The following RBMS2 variants were observed in gnomAD, a reference collection of about 807,000 sequenced individuals.
The protein encoded by RBMS2 is RNA binding motif single stranded interacting protein 2.
Under a neutral mutation model 58.4 loss-of-function variants are expected in RBMS2, and 38 were observed. The observed-to-expected ratio is 0.65, with a 90% CI of 0.50 to 0.85. The LOEUF is 0.85. Among genes scored for constraint, RBMS2 ranks in the 40% least tolerant of loss-of-function variants. RBMS2 has a pLI of 0.00. For synonymous variants in RBMS2, 151 were observed against 180.7 expected, an observed-to-expected ratio of 0.84 and a Z score of 1.32; for missense variants, 367 against 503.7, an observed-to-expected ratio of 0.73 and a Z score of 2.60.
chr12:56,594,162 C>T lies in RBMS2; in HGVS notation c.*5029C>T, dbSNP rs1389104520. ...GAGGCCTGTCACTCCAATGTCAACCCGTGGGCTGTTACTTTGCGTCATATG... is the reference window on the plus strand; with the variant it reads ...GAGGCCTGTCACTCCAATGTCAACCTGTGGGCTGTTACTTTGCGTCATATG... On this transcript the variant is annotated 3_prime_UTR_variant, in exon 14 of 14. Coordinates refer to ENST00000262031, the MANE Select transcript of RBMS2 (RefSeq NM_002898.4). 4 of 152,250 alleles carry T rather than the reference C, an allele frequency of 2.6e-5. No homozygotes were observed. Among genetic ancestry groups the T allele is most frequent in the Non-Finnish European group, 2.9e-5 (2 of 68,058 alleles). The allele number at this position is 152,250 out of a possible 1,614,324, so 9.4% of individuals were successfully genotyped here.
rs1565796272 is a variant in RBMS2 at position 56,595,404 on chromosome 12, A to G, written c.*6271A>G. 2 of 152,114 alleles carry G rather than the reference A, an allele frequency of 1.3e-5. No individual in the cohort carries two copies. The highest frequency in any genetic ancestry group is 2.9e-5 in the Non-Finnish European group (2 of 67,958). 9.4% of individuals were successfully genotyped at this position (152,114 alleles called of 1,614,324 possible). ...GGACAGAAAATGTTTATACTTAAACAGACATATTTTGCATATTTTTATCTG... is the reference window on the plus strand; with the variant it reads ...GGACAGAAAATGTTTATACTTAAACGGACATATTTTGCATATTTTTATCTG... On this transcript the variant is annotated 3_prime_UTR_variant, in exon 14 of 14. Coordinates refer to ENST00000262031, the MANE Select transcript of RBMS2 (RefSeq NM_002898.4).
chr12:56,560,083 C>T (rs1272179677), intron 1 of RBMS2, among the ~76,000 whole-genome samples: 3 of 151,460 alleles, frequency 2.0e-5, no homozygotes, highest in South Asian at 2.1e-4. Context: ...TTAGTAGAGA[C>T]GGGGTTTCAT....
intron 1 of RBMS2, among the ~76,000 whole-genome samples, chr12:56,545,932 CT>C (rs1877086492): frequency 6.7e-5 from 1 of 14,816 alleles, no homozygotes. Flanking sequence ...TCTTCCCTTT[CT>C]TTTCTTTTTT....
chr12:56,580,138 G>A (rs551426104), intron 5 of RBMS2: 102 of 285,772 alleles, frequency 3.6e-4, no homozygotes, highest in Admixed American at 1.5e-3. Context: ...TCACCATGTT[G>A]GCCAGGATGG....
intron 5 of RBMS2, among the ~76,000 whole-genome samples, chr12:56,578,154 C>A (rs1028665670): frequency 6.7e-6 from 1 of 149,350 alleles, no homozygotes. Flanking sequence ...TTTGAGATGG[C>A]GTCTCGCTCT....
Position 56,595,627 on chromosome 12 carries a change from G to A in RBMS2, c.*6494G>A, listed in dbSNP as rs746507371. The stretch of plus-strand genomic sequence containing the variant: ...GTCTTGGTGTCTTATCCGTGAGTGG[G>A]AAGTGGTAAGCTGGTGATGGTCCCA... On this transcript the variant is annotated 3_prime_UTR_variant, in exon 14 of 14. Transcript: ENST00000262031. 6.6e-6 allele frequency: 1 copy of A among 151,872 alleles called. No individual in the cohort carries two copies. The highest frequency in any genetic ancestry group is 2.1e-4 in the South Asian group (1 of 4,814). The allele number at this position is 151,872 out of a possible 1,614,324, so 9.4% of individuals were successfully genotyped here. A position where few individuals can be genotyped will look rare whatever the true frequency, so the allele number is the denominator to read the frequency against.
chr12:56,533,118 G>A (rs1044600835), intron 1 of RBMS2, among the ~76,000 whole-genome samples: 3 of 151,092 alleles, frequency 2.0e-5, no homozygotes, highest in Admixed American at 6.6e-5. Context: ...AATTTTTTGT[G>A]GAGACAGGGT....
At chr12:56,578,908 G>C (rs1883515327) in intron 5 of RBMS2, among the ~76,000 whole-genome samples, 1 of 152,086 alleles carries the variant, frequency 6.6e-6, no homozygotes, top group African/African-American at 2.4e-5. Context: ...AGGTTGCAGT[G>C]AGCCGAGATT....
At chr12:56,535,030 A>G (rs2638301) in intron 1 of RBMS2, among the ~76,000 whole-genome samples, 15,882 of 152,130 alleles carry the variant, frequency 0.1, 1,025 homozygotes, top group East Asian at 0.15. Flanking sequence ...AACTTTCTTC[A>G]TTTGACTTAT....
chr12:56,543,744 T>G (rs1289772573), intron 1 of RBMS2, among the ~76,000 whole-genome samples: 4 of 151,604 alleles, frequency 2.6e-5, no homozygotes, highest in Non-Finnish European at 5.9e-5. Context: ...CTCAGCTCAC[T>G]GCAACCTCCA....
At position 56,588,371 on chromosome 12, in the gene RBMS2, C is replaced by A. The variant is rs143825451; in HGVS notation, c.1140C>A (p.Val380=). The change falls in exon 12 of 14, where the codon GTC becomes GTA. Residue 380 remains valine (V), a synonymous_variant. Transcript: ENST00000262031. ...CTGTGCCTTCTTCCAGTGTTTCAGT[C>A]GAGGTAAGGGTGTTATCATTTCTTT... ...YTPVPSSSVS[V]EESSGQQNQV... 6.2e-7 allele frequency: 1 copy of A among 1,610,474 alleles called. No individual in the cohort carries two copies. Among genetic ancestry groups the A allele is most frequent in the Non-Finnish European group, 8.5e-7 (1 of 1,177,012 alleles).
At chr12:56,572,420 G>A (rs115249377) in intron 5 of RBMS2, among the ~76,000 whole-genome samples, 2,953 of 151,706 alleles carry the variant, frequency 0.019, 89 homozygotes, top group African/African-American at 0.065. Flanking sequence ...TGAACATCTG[G>A]GCTCAAGTGA....
At chr12:56,589,040 G>T in intron 13 of RBMS2, 22 bp downstream of exon 13, 1 of 1,613,862 alleles carries the variant, frequency 6.2e-7, no homozygotes, top group Non-Finnish European at 8.5e-7. Context: ...ATGCTGGGGG[G>T]CAGGGAGGGC....
At position 56,571,758 on chromosome 12, in the gene RBMS2, C is replaced by T. The variant is rs1160401104; in HGVS notation, c.445C>T (p.Gln149Ter). Residue 149 changes from glutamine (Q) to a stop codon, truncating the protein, a stop_gained, in exon 5 of 14, where the codon CAG becomes TAG. Transcript: ENST00000262031. LOFTEE classifies it high-confidence loss of function. ...ISNLPLSMDE[Q>*]ELEGMLKPFG... Reference sequence around the variant, plus strand: ...AAACCTCCCACTGTCAATGGATGAGCAGGAACTGGAGGGGATGCTGAAGCC... The same window carrying T: ...AAACCTCCCACTGTCAATGGATGAGTAGGAACTGGAGGGGATGCTGAAGCC... 1.3e-6 allele frequency: 2 copies of T among 1,599,262 alleles called. No homozygotes were observed. The highest frequency in any genetic ancestry group is 1.3e-5 in the African/African-American group (1 of 74,374).
At chr12:56,527,338 G>A (rs749462423) in intron 1 of RBMS2, among the ~76,000 whole-genome samples, 1 of 152,102 alleles carries the variant, frequency 6.6e-6, no homozygotes, top group African/African-American at 2.4e-5. Flanking sequence ...TAGGCCGGGC[G>A]CAGTGGCTCA....
At chr12:56,549,785 G>T (rs1371861498) in intron 1 of RBMS2, among the ~76,000 whole-genome samples, 1 of 152,144 alleles carries the variant, frequency 6.6e-6, no homozygotes, top group African/African-American at 2.4e-5. Context: ...CCAGCACTTT[G>T]GGAGGCTGAG....
intron 5 of RBMS2, among the ~76,000 whole-genome samples, chr12:56,573,955 C>T (rs1882749323): frequency 6.6e-6 from 1 of 152,122 alleles, no homozygotes; most frequent in Admixed American, 6.6e-5. Flanking sequence ...ATTCTCCTGC[C>T]TCAGCCTCCT....
chr12:56,522,771 C>T (rs563834865), intron 1 of RBMS2, among the ~76,000 whole-genome samples: 1 of 152,264 alleles, frequency 6.6e-6, no homozygotes, highest in Non-Finnish European at 1.5e-5. Context: ...TAACCCATGG[C>T]TGCCAGAGAA....
chr12:56,520,528 C>T (rs1462997931), upstream of RBMS2, among the ~76,000 whole-genome samples: 2 of 152,108 alleles, frequency 1.3e-5, no homozygotes, highest in Non-Finnish European at 2.9e-5. Flanking sequence ...TTTAACATCC[C>T]TATTGCACTT....
Sources: gnomAD v4.1 joint callset for allele counts (sites outside exome capture counted in the v4.1 genomes callset) on GRCh38, gnomAD v4.1.1 for gene constraint, MANE v1.5 for transcripts, NCBI Gene and HGNC (gene_info 2026-07-23, HGNC 2026-07-21) for gene names.